The following TRAPPC6A variants were observed in gnomAD, a reference collection of about 807,000 sequenced individuals.
TRAPPC6A encodes TRAPP complex subunit 6A.
Under a neutral mutation model 20.8 loss-of-function variants are expected in TRAPPC6A, and 25 were observed. The ratio of observed to expected loss-of-function variants is 1.20; its 90% CI spans 0.88 to 1.68. TRAPPC6A has a LOEUF of 1.68. Ranked by LOEUF, TRAPPC6A falls within the 40% of genes most tolerant of loss-of-function variation. The pLI is 0.00. For missense variants in TRAPPC6A, 215 were observed against 211.6 expected, an observed-to-expected ratio of 1.02 and a Z score of -0.10; for synonymous variants, 96 against 93.3, an observed-to-expected ratio of 1.03 and a Z score of -0.16.
chr19:45,165,115 G>C lies in TRAPPC6A; in HGVS notation c.152+12C>G. 6.2e-7 allele frequency: 1 copy of C among 1,612,406 alleles called. No individual in the cohort carries two copies. Among genetic ancestry groups the C allele is most frequent in the Non-Finnish European group, 8.5e-7 (1 of 1,179,264 alleles). On this transcript the variant is annotated intron_variant, in intron 2 of 5. Coordinates refer to ENST00000585934, the MANE Select transcript of TRAPPC6A (RefSeq NM_001270891.2). ...AGCCAGGCTGGGGGAGAGCAGGAGG[G>C]GCCGCGCTCACCTCTCGCCTAGAGC...
At chr19:45,164,752 G>A (rs988946915) in intron 3 of TRAPPC6A, 101 bp downstream of exon 3, 20 of 1,076,414 alleles carry the variant, frequency 1.9e-5, no homozygotes, top group Admixed American at 6.9e-5. Context: ...AGCTCTGGGC[G>A]GGTCCCGGCA....
chr19:45,171,720 G>T (rs1969272394), intron 1 of TRAPPC6A, among the ~76,000 whole-genome samples: 1 of 152,206 alleles, frequency 6.6e-6, no homozygotes, highest in South Asian at 2.1e-4. Flanking sequence ...AATATTCCCT[G>T]TGGTGCCTAC....
chr19:45,164,766 G>T, intron 3 of TRAPPC6A, 87 bp downstream of exon 3: 3 of 1,300,126 alleles, frequency 2.3e-6, no homozygotes, highest in South Asian at 1.2e-5. Context: ...CCCGGCAGCC[G>T]CTGCTCTGGC....
chr19:45,164,844 T>C lies in TRAPPC6A; in HGVS notation c.270+9A>G. The C allele has an allele frequency of 6.2e-7, 1 of 1,612,318 alleles. No individual in the cohort carries two copies. Among genetic ancestry groups the C allele is most frequent in the Non-Finnish European group, 8.5e-7 (1 of 1,178,594 alleles). ...AGGAAGCTGGACGGGCAGGCCGGGGTGCTCCCACCTGGTGATTGGTGCGCA... is the reference window on the plus strand; with the variant it reads ...AGGAAGCTGGACGGGCAGGCCGGGGCGCTCCCACCTGGTGATTGGTGCGCA... On this transcript the variant is annotated intron_variant, in intron 3 of 5. Transcript: ENST00000585934.
At chr19:45,169,888 C>T (rs1969234344) in intron 1 of TRAPPC6A, among the ~76,000 whole-genome samples, 1 of 152,226 alleles carries the variant, frequency 6.6e-6, no homozygotes, top group Non-Finnish European at 1.5e-5. Context: ...TCGCTAAGGG[C>T]TCCTTTATGT....
chr19:45,177,364 C>G (rs997709121), intron 1 of TRAPPC6A, among the ~76,000 whole-genome samples: 4 of 151,606 alleles, frequency 2.6e-5, no homozygotes, highest in African/African-American at 9.7e-5. Flanking sequence ...TTTCCTGAGA[C>G]AAGTCTCGCT....
intron 1 of TRAPPC6A, among the ~76,000 whole-genome samples, chr19:45,170,316 G>C (rs898605294): frequency 5.3e-5 from 8 of 152,236 alleles, no homozygotes; most frequent in African/African-American, 1.9e-4. Context: ...GCAATGGCCG[G>C]CTTCACTATG....
intron 1 of TRAPPC6A, among the ~76,000 whole-genome samples, chr19:45,167,993 CTTTTTTTTTTTTTT>C (rs968943946): frequency 4.1e-4 from 41 of 99,994 alleles, no homozygotes; most frequent in South Asian, 1.8e-3. Flanking sequence ...AAGACCCTGT[CTTTTTTTTTTTTTT>C]TTTTTTTTTT....
intron 1 of TRAPPC6A, among the ~76,000 whole-genome samples, chr19:45,171,192 T>C (rs1969260524): frequency 6.6e-6 from 1 of 152,050 alleles, no homozygotes; most frequent in Non-Finnish European, 1.5e-5. Context: ...ATCCCAGCTA[T>C]TCAGGAGGCT....
intron 3 of TRAPPC6A, 96 bp downstream of exon 3, chr19:45,164,757 C>CCGG: frequency 8.4e-7 from 1 of 1,196,350 alleles, no homozygotes; most frequent in South Asian, 1.2e-5. Context: ...TGGGCGGGTC[C>CCGG]CGGCAGCCGC....
In TRAPPC6A at chr19:45,173,078, G is replaced by C. The variant is rs1040162262; in HGVS notation, c.84+5057C>G. On this transcript the variant is annotated intron_variant, in intron 1 of 5. Transcript: ENST00000585934. This position sits in a 1 kb window ranked among gnomAD's most constrained non-coding sequence, Gnocchi z 4.8. ...GGCCTGGCGCAGCAGGGCTATTCTC[G>C]GGGCGCCTCGGGCCTGGTCTCAGAC... is the stretch of plus-strand genomic sequence containing the variant. 6.6e-6 allele frequency among the ~76,000 whole-genome samples: 1 copy of C among 151,606 alleles called. No individual in the cohort carries two copies. Among genetic ancestry groups the C allele is most frequent in the Non-Finnish European group, 1.5e-5 (1 of 68,004 alleles).
chr19:45,170,078 G>A (rs563466287), intron 1 of TRAPPC6A, among the ~76,000 whole-genome samples: 2 of 152,296 alleles, frequency 1.3e-5, no homozygotes, highest in African/African-American at 4.8e-5. Flanking sequence ...GGGGGCCGGA[G>A]GTGGCAGGTA....
chr19:45,165,426 C>A (rs1007703678), intron 1 of TRAPPC6A, among the ~76,000 whole-genome samples: 2 of 152,234 alleles, frequency 1.3e-5, no homozygotes, highest in Non-Finnish European at 2.9e-5. Context: ...ATCCCCAGAT[C>A]ATCAGCCCCC....
intron 2 of TRAPPC6A, 29 bp downstream of exon 2, chr19:45,165,098 T>C (rs1454906466): frequency 6.2e-7 from 1 of 1,612,690 alleles, no homozygotes; most frequent in South Asian, 1.1e-5. Context: ...CCAGCCAGGC[T>C]GGGGGAGAGC....
rs375637170 is a variant in TRAPPC6A, at chr19:45,178,195, C to G, written c.24G>C (p.Glu8Asp). The G allele has an allele frequency of 2.5e-5, 41 of 1,610,940 alleles. No homozygotes were observed. The Admixed American group carries it at 4.5e-4, about 18-fold the overall frequency. ...CAGCCACCATCTCCGTGTGAAGAAA[C>G]TCAAACAACACAGTATCCGCCATGC... MADTVLF[E>D]FLHTEMVAEL... is the part of the protein sequence containing the mutation. The change falls in exon 1 of 6, where the codon GAG becomes GAC. Residue 8 changes from glutamate (E) to aspartate (D), a missense_variant. Coordinates refer to ENST00000585934, the MANE Select transcript of TRAPPC6A (RefSeq NM_001270891.2).
At chr19:45,165,897 G>C (rs1256809664) in intron 1 of TRAPPC6A, among the ~76,000 whole-genome samples, 1 of 152,046 alleles carries the variant, frequency 6.6e-6, no homozygotes, top group Admixed American at 6.6e-5. Flanking sequence ...GGCTGGAGGA[G>C]AGGAGATGCT....
intron 1 of TRAPPC6A, among the ~76,000 whole-genome samples, chr19:45,165,499 C>A (rs1969132214): frequency 6.6e-6 from 1 of 152,256 alleles, no homozygotes; most frequent in African/African-American, 2.4e-5. Flanking sequence ...CTTCCTCCTC[C>A]ATGACTTTTC....
In TRAPPC6A at chr19:45,163,303, C is replaced by T; in HGVS notation, c.449-80G>A. 6 of 1,497,728 alleles carry T rather than the reference C, an allele frequency of 4.0e-6. No individual in the cohort carries two copies. Among genetic ancestry groups the T allele is most frequent in the Admixed American group, 3.6e-5 (2 of 56,012 alleles). 92.8% of individuals were successfully genotyped at this position (1,497,728 alleles called of 1,614,324 possible). ...ACCTGGACGGCTCTTAGGCGCTCAC[C>T]CCCGTCCTGCACTGACACCCCAGTG... On this transcript the variant is annotated intron_variant, in intron 5 of 5. Coordinates refer to ENST00000585934, the MANE Select transcript of TRAPPC6A (RefSeq NM_001270891.2). This position sits in a 1 kb window ranked among gnomAD's most constrained non-coding sequence, Gnocchi z 5.3.
intron 2 of TRAPPC6A, 53 bp downstream of exon 2, chr19:45,165,074 C>A (rs1421238277): frequency 1.2e-6 from 2 of 1,610,958 alleles, no homozygotes; most frequent in African/African-American, 2.7e-5. Context: ...CCGCCCGGGG[C>A]CTGCCCAGCC....
Sources: gnomAD v4.1 joint callset for allele counts (sites outside exome capture counted in the v4.1 genomes callset) on GRCh38, gnomAD v4.1.1 for gene constraint, Gnocchi (gnomAD v3.1) non-coding constraint, MANE v1.5 for transcripts, NCBI Gene and HGNC (gene_info 2026-07-23, HGNC 2026-07-21) for gene names.